Variants in GBP6 observed in about 807,000 individuals in gnomAD.
GBP6 encodes the protein guanylate-binding protein 6.
A neutral mutation model predicts 61.5 loss-of-function variants in GBP6; 54 were observed. That is an observed-to-expected ratio of 0.88 (90% CI 0.71 to 1.10). GBP6 has a LOEUF of 1.10. Ranked by LOEUF, GBP6 falls within the 50% of genes least tolerant of loss-of-function variation. The pLI is 0.00. For synonymous variants in GBP6, 255 were observed against 273.7 expected (o/e 0.93, Z 0.67); for missense variants, 748 against 752.8 (o/e 0.99, Z 0.07).
At position 89,385,127 on chromosome 1, in the gene GBP6, T is replaced by G. The variant is rs944230513; in HGVS notation, c.1663-103T>G. The G allele has an allele frequency of 9.8e-6, 10 of 1,021,150 alleles. No homozygotes were observed. In the African/African-American group the frequency reaches 1.6e-4, roughly 17 times the overall value. 63.3% of individuals were successfully genotyped at this position (1,021,150 alleles called of 1,614,324 possible). ...TCCTCTAATAACTGAGAAAATGTTT[T>G]TAGGAGTAAAATAAAGTTTCACACA... is the stretch of plus-strand genomic sequence containing the variant. On this transcript the variant is annotated intron_variant, in intron 10 of 10. Transcript: ENST00000370456.
chr1:89,374,887 C>T (rs1200108626), intron 3 of GBP6, among the ~76,000 whole-genome samples: 3 of 151,964 alleles, frequency 2.0e-5, no homozygotes, highest in African/African-American at 7.2e-5. Flanking sequence ...GCCTAGTATC[C>T]ATTAGTTATT....
intron 6 of GBP6, among the ~76,000 whole-genome samples, chr1:89,381,288 A>G (rs75765201): frequency 6.6e-6 from 1 of 150,720 alleles, no homozygotes; most frequent in Non-Finnish European, 1.5e-5. Flanking sequence ...AAAAAAAAAA[A>G]GTCTAGAAAT....
rs200211437 is a variant in GBP6 at position 89,380,370 on chromosome 1, T to C, written c.626-16T>C. On this transcript the variant is annotated splice_polypyrimidine_tract_variant and intron_variant, in intron 5 of 10. Transcript: ENST00000370456. ...GACTGTTTTCACTATATTCTCTGTT[T>C]TTTTTTATCCCTCAGGCAATAATCC... The C allele has an allele frequency of 4.0e-5, 65 of 1,610,698 alleles. No homozygotes were observed. The African/African-American group carries it at 6.2e-4, about 15-fold the overall frequency.
intron 3 of GBP6, among the ~76,000 whole-genome samples, chr1:89,371,332 C>T (rs923159553): frequency 6.6e-6 from 1 of 152,112 alleles, no homozygotes; most frequent in Non-Finnish European, 1.5e-5. Flanking sequence ...CATCCTGATA[C>T]CAAAGCCTGG....
At chr1:89,378,757 C>G in intron 5 of GBP6, 144 bp downstream of exon 5, 1 of 612,674 alleles carries the variant, frequency 1.6e-6, no homozygotes, top group Non-Finnish European at 2.8e-6. Flanking sequence ...TTGAAGAGCT[C>G]TAGGAATGGA....
chr1:89,374,410 G>A (rs1570464813), intron 3 of GBP6, among the ~76,000 whole-genome samples: 1 of 151,984 alleles, frequency 6.6e-6, no homozygotes, highest in Admixed American at 6.6e-5. Flanking sequence ...CAGATATCTC[G>A]TTAAAATACT....
At chr1:89,365,954 A>G (rs1652456383) in intron 1 of GBP6, among the ~76,000 whole-genome samples, 1 of 152,208 alleles carries the variant, frequency 6.6e-6, no homozygotes, top group Non-Finnish European at 1.5e-5. Flanking sequence ...TTCTAATTAT[A>G]AGGAAATACA....
chr1:89,385,718 A>C lies in GBP6; in HGVS notation c.*249A>C, dbSNP rs1653124740. The stretch of plus-strand genomic sequence containing the variant: ...CAGCTAATTTTTGTATTTTTAGTAG[A>C]GATGGGGTTTCACTATGTTGGCCAG... On this transcript the variant is annotated 3_prime_UTR_variant, in exon 11 of 11. Coordinates refer to ENST00000370456, the MANE Select transcript of GBP6 (RefSeq NM_198460.3). 2.5e-5 allele frequency: 8 copies of C among 322,482 alleles called. No individual in the cohort carries two copies. The South Asian group carries it at 4.2e-4, about 17-fold the overall frequency. 20.0% of individuals were successfully genotyped at this position (322,482 alleles called of 1,614,324 possible). A position where few individuals can be genotyped will look rare whatever the true frequency, so the allele number is the denominator to read the frequency against.
intron 3 of GBP6, among the ~76,000 whole-genome samples, chr1:89,375,004 A>G (rs745426740): frequency 2.0e-5 from 3 of 152,124 alleles, no homozygotes; most frequent in Non-Finnish European, 4.4e-5. Flanking sequence ...TCCCACTTAC[A>G]AGTGAGAACA....
intron 1 of GBP6, among the ~76,000 whole-genome samples, chr1:89,366,921 G>A (rs932202802): frequency 6.6e-5 from 10 of 151,956 alleles, no homozygotes; most frequent in South Asian, 2.1e-4. Context: ...GTTCTTTTGC[G>A]CCTGGCATAT....
rs752077954 is a variant in GBP6, at chr1:89,381,693, G to T, written c.872-1G>T. ...GCCCCTAAATCTCCTGGTTCATTTA[G>T]GTCTGGGAACTCTGGCAGTGACTTA... is the stretch of plus-strand genomic sequence containing the variant. On this transcript the variant is annotated splice_acceptor_variant, in intron 6 of 10. Coordinates refer to ENST00000370456, the MANE Select transcript of GBP6 (RefSeq NM_198460.3). LOFTEE classifies it high-confidence loss of function. The T allele has an allele frequency of 3.1e-6, 5 of 1,598,798 alleles. No individual in the cohort carries two copies. Among genetic ancestry groups the T allele is most frequent in the South Asian group, 2.2e-5 (2 of 89,918 alleles).
rs569263373 is a variant in GBP6 at position 89,371,565 on chromosome 1, C to T, written c.318+1892C>T. On this transcript the variant is annotated intron_variant, in intron 3 of 10. Coordinates refer to ENST00000370456, the MANE Select transcript of GBP6 (RefSeq NM_198460.3). ...AAAAGAGAACCAAACACAAAAACCA[C>T]ATGATTATCTCAATAGATGCAGAAA... 9.7e-4 allele frequency among the ~76,000 whole-genome samples: 148 copies of T among 152,330 alleles called. 1 individual carries two copies. Among genetic ancestry groups the T allele is most frequent in the Middle Eastern group, 3.4e-3 (1 of 294 alleles).
Position 89,382,739 on chromosome 1 carries a change from C to T in GBP6, c.1228C>T (p.Leu410Phe), listed in dbSNP as rs1175533390. The T allele has an allele frequency of 8.1e-6, 13 of 1,614,090 alleles. No individual in the cohort carries two copies. The South Asian group carries it at 1.1e-4, about 14-fold the overall frequency. ...ATCTGTTCAATACTGCCAGGCTAAA[C>T]TCAATGAGCTCTCAAAGGGACTAAT... ...ESSVQYCQAK[L>F]NELSKGLMES... Residue 410 changes from leucine to phenylalanine, a missense_variant, in exon 8 of 11, where the codon CTC becomes TTC. Coordinates refer to ENST00000370456, the MANE Select transcript of GBP6 (RefSeq NM_198460.3).
At chr1:89,369,813 A>G in intron 3 of GBP6, 140 bp downstream of exon 3, 1 of 955,364 alleles carries the variant, frequency 1.0e-6, no homozygotes, top group Non-Finnish European at 1.5e-6. Flanking sequence ...TCACACTTCT[A>G]GACAAGGTTA....
At chr1:89,377,641 A>G (rs1019661823) in intron 3 of GBP6, among the ~76,000 whole-genome samples, 3 of 152,190 alleles carry the variant, frequency 2.0e-5, no homozygotes, top group African/African-American at 7.2e-5. Flanking sequence ...AATTTATTAA[A>G]TTTGCTTTTC....
In GBP6 at chr1:89,386,586, G is replaced by T. The variant is rs570740107; in HGVS notation, c.*1117G>T. On this transcript the variant is annotated 3_prime_UTR_variant, in exon 11 of 11. Coordinates refer to ENST00000370456, the MANE Select transcript of GBP6 (RefSeq NM_198460.3). ...ATATTCTTGTTTTCATTTTGGCCTG[G>T]TTTTTCGATCCCTTCTATTTGTTTC... 6 of 152,278 alleles carry T rather than the reference G, an allele frequency of 3.9e-5. No individual in the cohort carries two copies. Among genetic ancestry groups the T allele is most frequent in the African/African-American group, 9.6e-5 (4 of 41,544 alleles). 9.4% of individuals were successfully genotyped at this position (152,278 alleles called of 1,614,324 possible). A position where few individuals can be genotyped will look rare whatever the true frequency, so the allele number is the denominator to read the frequency against.
chr1:89,384,685 C>A (rs1052579062), intron 10 of GBP6, among the ~76,000 whole-genome samples: 1 of 152,160 alleles, frequency 6.6e-6, no homozygotes, highest in South Asian at 2.1e-4. Context: ...CATCCAAACA[C>A]CCTGAGGTAG....
At position 89,380,552 on chromosome 1, in the gene GBP6, A is replaced by C. The variant is rs1652945831; in HGVS notation, c.792A>C (p.Gln264His). 6.2e-7 allele frequency: 1 copy of C among 1,613,970 alleles called. No individual in the cohort carries two copies. The highest frequency in any genetic ancestry group is 8.5e-7 in the Non-Finnish European group (1 of 1,179,964). Residue 264 changes from glutamine (Q) to histidine (H), a missense_variant, in exon 6 of 11, where the codon CAA becomes CAC. Coordinates refer to ENST00000370456, the MANE Select transcript of GBP6 (RefSeq NM_198460.3). ...AACTGGATCCCAAATTCCAGGAACA[A>C]ACAAACATTTTCTGTTCTTACATCT... The part of the protein sequence containing the change: ...EKQLDPKFQE[Q>H]TNIFCSYIFT...
At position 89,382,952 on chromosome 1, in the gene GBP6, A is replaced by G. The variant is rs376124592; in HGVS notation, c.1365+76A>G. ...TCTTCAGCACCAGCCGTGGGTAATA[A>G]GAGAGCAGAGGGATAGCATAACGCC... On this transcript the variant is annotated intron_variant, in intron 8 of 10. Coordinates refer to ENST00000370456, the MANE Select transcript of GBP6 (RefSeq NM_198460.3). 1.8e-4 allele frequency: 158 copies of G among 886,048 alleles called. No individual in the cohort carries two copies. In the African/African-American group the frequency reaches 2.2e-3, roughly 12 times the overall value. 54.9% of individuals were successfully genotyped at this position (886,048 alleles called of 1,614,324 possible).
Sources: gnomAD v4.1 joint callset for allele counts (sites outside exome capture counted in the v4.1 genomes callset) on GRCh38, gnomAD v4.1.1 for gene constraint, MANE v1.5 for transcripts, NCBI Gene and HGNC (gene_info 2026-07-23, HGNC 2026-07-21) for gene names.